Variants in ACSBG1 observed in about 807,000 individuals in gnomAD.
ACSBG1 encodes the protein acyl-CoA synthetase bubblegum family member 1, also known as long-chain-fatty-acid--CoA ligase ACSBG1.
ACSBG1 carries 39 observed loss-of-function variants against 80.2 expected under a neutral mutation model. That is an observed-to-expected ratio of 0.49 (90% confidence interval 0.38 to 0.64). The LOEUF (loss-of-function observed/expected upper bound fraction) is 0.64. ACSBG1 is among the 30% of genes least tolerant of loss of function. ACSBG1 has a pLI of 0.00. For synonymous variants in ACSBG1, 392 were observed against 379.5 expected (o/e 1.03, Z -0.38); for missense variants, 828 against 966.4 (o/e 0.86, Z 1.90).
Position 78,177,248 on chromosome 15 carries a change from C to CTAT in ACSBG1, c.1702+1363_1702+1365dup, listed in dbSNP as rs1288532113. Among the ~76,000 whole-genome samples the CTAT allele has an allele frequency of 6.6e-6, 1 of 152,114 alleles. No homozygotes were observed. The highest frequency in any genetic ancestry group is 2.4e-5 in the African/African-American group (1 of 41,418). ...CCGGATATCTATCCCTGTCATAAAGCTATAGAAATTAAGACACTGGGTATT... is the reference window on the plus strand; with the variant it reads ...CCGGATATCTATCCCTGTCATAAAGCTATTATAGAAATTAAGACACTGGGTATT... On this transcript the variant is annotated intron_variant, in intron 11 of 13. Transcript: ENST00000258873. This position sits in a 1 kb window ranked among gnomAD's most constrained non-coding sequence, Gnocchi z 4.1.
rs886449162 is a variant in ACSBG1, at chr15:78,178,392, G to A, written c.1702+222C>T. Among the ~76,000 whole-genome samples the A allele has an allele frequency of 1.3e-5, 2 of 152,090 alleles. No homozygotes were observed. Among genetic ancestry groups the A allele is most frequent in the Admixed American group, 6.6e-5 (1 of 15,264 alleles). On this transcript the variant is annotated intron_variant, in intron 11 of 13. Transcript: ENST00000258873. This position sits in a 1 kb window ranked among gnomAD's most constrained non-coding sequence, Gnocchi z 4.3. ...CAGCTCACTGCAACCTCTGCCTCCC[G>A]GGTTCAAGTAATTCTCGTGCCTCAG...
chr15:78,189,364 A>G (rs2075035967), intron 5 of ACSBG1, among the ~76,000 whole-genome samples: 1 of 151,844 alleles, frequency 6.6e-6, no homozygotes, highest in South Asian at 2.1e-4. Context: ...ATAAAGACAC[A>G]TGCACACGTA....
At chr15:78,202,234 C>CA (rs2075175967) in intron 2 of ACSBG1, among the ~76,000 whole-genome samples, 1 of 152,078 alleles carries the variant, frequency 6.6e-6, no homozygotes. Flanking sequence ...CTATTTGAGA[C>CA]AGAGTCTTGC....
chr15:78,171,961 T>G (rs1294527554), intron 13 of ACSBG1: 2 of 156,802 alleles, frequency 1.3e-5, no homozygotes, highest in East Asian at 3.7e-4. Context: ...TAGGTTTCTG[T>G]CTTGGGCTTT....
chr15:78,182,930 C>T, intron 5 of ACSBG1, 145 bp from the exon 6 acceptor site: 1 of 789,258 alleles, frequency 1.3e-6, no homozygotes, highest in South Asian at 1.6e-5. Context: ...ACAACTGCCA[C>T]CCTTCACCCA....
rs2075093064 is a variant in ACSBG1 at position 78,194,548 on chromosome 15, T to C, written c.411A>G (p.Gln137=). 1.9e-6 allele frequency: 3 copies of C among 1,614,070 alleles called. No individual in the cohort carries two copies. The highest frequency in any genetic ancestry group is 2.2e-5 in the East Asian group (1 of 44,890). ...QDKWEHISYS[Q]YYLLARRAAK... is the part of the protein sequence containing the mutation. ...CGGCTCTGCGGGCGAGCAGGTAGTA[T>C]TGGGAGTAGGAGATGTGTTCCCACT... The change falls in exon 3 of 14, where the codon CAA becomes CAG. Residue 137 remains glutamine (Q), a synonymous_variant. Transcript: ENST00000258873.
intron 1 of ACSBG1, chr15:78,209,320 C>T (rs1567093579): frequency 6.7e-6 from 3 of 448,856 alleles, no homozygotes; most frequent in Admixed American, 4.7e-5. Flanking sequence ...AGGGGGATGA[C>T]TGGGGAACCA....
In ACSBG1 at chr15:78,185,052, GGAGAGAGAGA is replaced by G. The variant is rs35144005; in HGVS notation, c.664-2277_664-2268del. 2.8e-4 allele frequency among the ~76,000 whole-genome samples: 39 copies of G among 141,200 alleles called. No homozygotes were observed. In the South Asian group the frequency reaches 6.2e-3, roughly 22 times the overall value. The allele number at this position is 141,200 out of a possible 152,430, so 92.6% of individuals were successfully genotyped here. ...AGGGAGAGAAAGGGGCGGAGGGGAG[GGAGAGAGAGA>G]GAGAGAGAGAGAGAGAGAGGAATAC... On this transcript the variant is annotated intron_variant, in intron 5 of 13. Transcript: ENST00000258873.
Position 78,194,712 on chromosome 15 carries a change from T to C in ACSBG1, c.247A>G (p.Thr83Ala). The change falls in exon 3 of 14, where the codon ACG becomes GCG. Residue 83 changes from threonine (T) to alanine (A), a missense_variant. Physicochemically the swap from Thr to Ala is moderately conservative, Grantham distance 58 (BLOSUM62 0). Coordinates refer to ENST00000258873, the MANE Select transcript of ACSBG1 (RefSeq NM_015162.5). Reference sequence around the variant, plus strand: ...CGCACCCGCCCATCGGCCCGAGTCGTCCACAGCGCCTCCTCTGTGGGGTGG... The same window carrying C: ...CGCACCCGCCCATCGGCCCGAGTCGCCCACAGCGCCTCCTCTGTGGGGTGG... ...QWDAPEEALW[T>A]TRADGRVRLR... 2 of 1,612,686 alleles carry C rather than the reference T, an allele frequency of 1.2e-6. No homozygotes were observed. Among genetic ancestry groups the C allele is most frequent in the South Asian group, 2.2e-5 (2 of 91,032 alleles).
chr15:78,208,581 T>G lies in ACSBG1; in HGVS notation c.132-479A>C, dbSNP rs554458573. Among the ~76,000 whole-genome samples, 3 of 152,220 alleles carry G rather than the reference T, an allele frequency of 2.0e-5. No homozygotes were observed. In the South Asian group the frequency reaches 6.2e-4, roughly 32 times the overall value. On this transcript the variant is annotated intron_variant, in intron 1 of 13. Transcript: ENST00000258873. Reference sequence around the variant, plus strand: ...CCCAGAAACTGAGTGGAGCTGCAGGTACTCATAGGGCTCTCAGGGGTCCTA... The same window carrying G: ...CCCAGAAACTGAGTGGAGCTGCAGGGACTCATAGGGCTCTCAGGGGTCCTA...
intron 11 of ACSBG1, among the ~76,000 whole-genome samples, chr15:78,176,309 T>C (rs2074882600): frequency 6.6e-6 from 1 of 152,010 alleles, no homozygotes. Flanking sequence ...GTCCTGGAGG[T>C]CCTAACCTGT....
chr15:78,222,496 C>G (rs1375189835), intron 1 of ACSBG1, among the ~76,000 whole-genome samples: 1 of 152,066 alleles, frequency 6.6e-6, no homozygotes, highest in African/African-American at 2.4e-5. Context: ...AACCCTGTCT[C>G]CACAAATAAT....
chr15:78,213,196 C>T (rs1463816811), intron 1 of ACSBG1, among the ~76,000 whole-genome samples: 2 of 152,222 alleles, frequency 1.3e-5, no homozygotes, highest in Non-Finnish European at 2.9e-5. Flanking sequence ...CTGTGCACAG[C>T]CTGATGCTCC....
In ACSBG1 at chr15:78,174,484, C is replaced by T; in HGVS notation, c.1743G>A (p.Val581=). Residue 581 remains valine, a synonymous_variant, in exon 12 of 14, where the codon GTG becomes GTA. Coordinates refer to ENST00000258873, the MANE Select transcript of ACSBG1 (RefSeq NM_015162.5). ...ITAGGENVPP[V]PIEEAVKMEL... The stretch of plus-strand genomic sequence containing the variant: ...CCATCTTCACGGCCTCCTCGATGGG[C>T]ACAGGGGGCACATTCTCCCCACCAG... 23 of 1,614,196 alleles carry T rather than the reference C, an allele frequency of 1.4e-5. No individual in the cohort carries two copies. The highest frequency in any genetic ancestry group is 1.8e-5 in the Non-Finnish European group (21 of 1,180,024).
chr15:78,232,430 T>TCC (rs1436865646), intron 1 of ACSBG1, among the ~76,000 whole-genome samples: 1 of 152,192 alleles, frequency 6.6e-6, no homozygotes, highest in Non-Finnish European at 1.5e-5. Context: ...TTGCCTACTT[T>TCC]CCTTCAGTGA....
In ACSBG1 at chr15:78,168,046, G is replaced by A. The variant is rs1479363305; in HGVS notation, c.*3398C>T. The A allele has an allele frequency of 6.6e-6, 1 of 152,082 alleles. No individual in the cohort carries two copies. Among genetic ancestry groups the A allele is most frequent in the African/African-American group, 2.4e-5 (1 of 41,388 alleles). 9.4% of individuals were successfully genotyped at this position (152,082 alleles called of 1,614,324 possible). On this transcript the variant is annotated 3_prime_UTR_variant, in exon 14 of 14. Transcript: ENST00000258873. ...AAAGATAAAGAGAATTAAATATATT[G>A]GGGTCTGTATGCAGGAAAGAAAGGA...
chr15:78,205,843 C>T (rs911704150), intron 2 of ACSBG1, among the ~76,000 whole-genome samples: 4 of 152,146 alleles, frequency 2.6e-5, no homozygotes, highest in Non-Finnish European at 5.9e-5. Context: ...CTTCAAGACC[C>T]CTCCCAATCT....
chr15:78,172,924 G>T lies in ACSBG1; in HGVS notation c.2089+669C>A, dbSNP rs1234407025. 1.3e-5 allele frequency among the ~76,000 whole-genome samples: 2 copies of T among 152,200 alleles called. No homozygotes were observed. Among genetic ancestry groups the T allele is most frequent in the Non-Finnish European group, 2.9e-5 (2 of 68,030 alleles). On this transcript the variant is annotated intron_variant, in intron 13 of 13. Coordinates refer to ENST00000258873, the MANE Select transcript of ACSBG1 (RefSeq NM_015162.5). The surrounding 1 kb of genome is among the most constrained non-coding windows in gnomAD (Gnocchi z 4.1). Reference sequence around the variant, plus strand: ...GAAGATCACAGTACTCTCACCCCTAGAACCACGTGACTCCAGGCTGAACAC... The same window carrying T: ...GAAGATCACAGTACTCTCACCCCTATAACCACGTGACTCCAGGCTGAACAC...
At position 78,169,608 on chromosome 15, in the gene ACSBG1, A is replaced by T. The variant is rs551972986; in HGVS notation, c.*1836T>A. On this transcript the variant is annotated 3_prime_UTR_variant, in exon 14 of 14. Coordinates refer to ENST00000258873, the MANE Select transcript of ACSBG1 (RefSeq NM_015162.5). ...TGAATAAAAACTTCAGATCCAAGAA[A>T]TATATAATGAGAGATATAATTTTTG... The T allele has an allele frequency of 2.0e-5, 3 of 152,380 alleles. 1 individual carries two copies. In the South Asian group the frequency reaches 6.2e-4, roughly 32 times the overall value. 9.4% of individuals were successfully genotyped at this position (152,380 alleles called of 1,614,324 possible).
Sources: gnomAD v4.1 joint callset for allele counts (sites outside exome capture counted in the v4.1 genomes callset) on GRCh38, gnomAD v4.1.1 for gene constraint, Gnocchi (gnomAD v3.1) non-coding constraint, MANE v1.5 for transcripts, NCBI Gene and HGNC (gene_info 2026-07-23, HGNC 2026-07-21) for gene names.